MED12L: variants seen among roughly 807,000 people sequenced by gnomAD.
MED12L encodes the protein mediator of RNA polymerase II transcription subunit 12-like protein.
Under a neutral mutation model 281.3 loss-of-function variants are expected in MED12L, and 60 were observed. The ratio of observed to expected loss-of-function variants is 0.21; its 90% CI spans 0.17 to 0.26. The LOEUF (loss-of-function observed/expected upper bound fraction) is 0.26, where lower values mean the gene tolerates loss of function less well. MED12L is among the 10% of genes least tolerant of loss of function. MED12L has a pLI of 1.00. For missense variants in MED12L, 2,146 were observed against 2,680.9 expected, an observed-to-expected ratio of 0.80 and a Z score of 4.41; for synonymous variants, 974 against 987.2, an observed-to-expected ratio of 0.99 and a Z score of 0.25.
At chr3:151,407,654 A>G (rs910331713) in intron 39 of MED12L, among the ~76,000 whole-genome samples, 2 of 152,212 alleles carry the variant, frequency 1.3e-5, no homozygotes, top group African/African-American at 4.8e-5. Context: ...TTTGGGCTAT[A>G]TTTCTCTAAC....
chr3:151,345,641 C>A (rs4679794), intron 16 of MED12L, among the ~76,000 whole-genome samples: 27,707 of 151,396 alleles, frequency 0.18, 3,145 homozygotes, highest in South Asian at 0.33. Flanking sequence ...CCTCAGCCTC[C>A]CGAGTAGCTG....
intron 16 of MED12L, among the ~76,000 whole-genome samples, chr3:151,229,756 C>T (rs570992936): frequency 1.3e-5 from 2 of 152,100 alleles, no homozygotes; most frequent in Non-Finnish European, 1.5e-5. Flanking sequence ...TGAGCCACTG[C>T]GCCAGGCGAA....
At chr3:151,427,804 T>C (rs1719041244) in intron 43 of MED12L, among the ~76,000 whole-genome samples, 1 of 152,196 alleles carries the variant, frequency 6.6e-6, no homozygotes, top group African/African-American at 2.4e-5. Flanking sequence ...ATCTATTGCA[T>C]AGCAAGGTAA....
chr3:151,133,808 A>G (rs1715742895), intron 5 of MED12L, among the ~76,000 whole-genome samples: 1 of 152,252 alleles, frequency 6.6e-6, no homozygotes, highest in Non-Finnish European at 1.5e-5. Context: ...TATTTAAAAC[A>G]GGCTAGCTAA....
intron 16 of MED12L, among the ~76,000 whole-genome samples, chr3:151,204,467 C>G (rs981585349): frequency 2.6e-5 from 4 of 152,012 alleles, no homozygotes; most frequent in African/African-American, 9.7e-5. Context: ...CCAGTGAAGA[C>G]CATAAATTAT....
intron 16 of MED12L, among the ~76,000 whole-genome samples, chr3:151,333,475 T>A (rs1316060547): frequency 6.6e-6 from 1 of 152,234 alleles, no homozygotes; most frequent in Non-Finnish European, 1.5e-5. Flanking sequence ...GTGGTTTTGA[T>A]CTGCATTTCT....
chr3:151,381,501 A>G (rs1712336288), intron 32 of MED12L, among the ~76,000 whole-genome samples: 1 of 152,120 alleles, frequency 6.6e-6, no homozygotes, highest in African/African-American at 2.4e-5. Flanking sequence ...CTGTTCTTGA[A>G]CTTGCTGAGC....
At chr3:151,382,593 T>C (rs1208731622) in intron 32 of MED12L, 63 bp from the exon 33 acceptor site, 6 of 1,200,122 alleles carry the variant, frequency 5.0e-6, no homozygotes, top group Non-Finnish European at 7.2e-6. Flanking sequence ...AGTATAAAGC[T>C]CAATTTATCT....
intron 4 of MED12L, among the ~76,000 whole-genome samples, chr3:151,125,181 T>C (rs752486248): frequency 1.5e-4 from 23 of 152,262 alleles, no homozygotes; most frequent in Non-Finnish European, 2.2e-4. Context: ...GTCAATACTT[T>C]AGTCAATATA....
At chr3:151,353,173 T>G (rs1403258910) in intron 17 of MED12L, among the ~76,000 whole-genome samples, 1 of 152,178 alleles carries the variant, frequency 6.6e-6, no homozygotes, top group African/African-American at 2.4e-5. Flanking sequence ...TCTACTTCTT[T>G]AAGTCTGTTG....
intron 16 of MED12L, among the ~76,000 whole-genome samples, chr3:151,201,325 G>T (rs1050774654): frequency 6.6e-6 from 1 of 151,972 alleles, no homozygotes; most frequent in Non-Finnish European, 1.5e-5. Context: ...CCATAACCTA[G>T]TTTCTCTCTA....
chr3:151,112,095 A>G (rs1386449270), intron 2 of MED12L, among the ~76,000 whole-genome samples: 1 of 152,086 alleles, frequency 6.6e-6, no homozygotes, highest in Non-Finnish European at 1.5e-5. Context: ...GCGTCTTACT[A>G]TGTTGGGAGA....
At chr3:151,125,060 T>C (rs1443793337) in intron 4 of MED12L, among the ~76,000 whole-genome samples, 1 of 152,252 alleles carries the variant, frequency 6.6e-6, no homozygotes, top group African/African-American at 2.4e-5. Context: ...TAGATGCGGC[T>C]GTAGCTTGAT....
At chr3:151,407,789 C>A (rs1716499686) in intron 39 of MED12L, among the ~76,000 whole-genome samples, 1 of 152,076 alleles carries the variant, frequency 6.6e-6, no homozygotes, top group Non-Finnish European at 1.5e-5. Context: ...GAGGTACACT[C>A]AAAAATTTAT....
chr3:151,306,494 C>T (rs987024650), intron 16 of MED12L, among the ~76,000 whole-genome samples: 3 of 152,172 alleles, frequency 2.0e-5, no homozygotes, highest in African/African-American at 7.2e-5. Context: ...GGACTTGACC[C>T]CAGTTGTGTT....
At chr3:151,403,376 A>G (rs1715927881) in intron 39 of MED12L, among the ~76,000 whole-genome samples, 1 of 152,104 alleles carries the variant, frequency 6.6e-6, no homozygotes, top group Admixed American at 6.5e-5. Context: ...TCTCTGTGGT[A>G]ATTTATATCA....
intron 5 of MED12L, among the ~76,000 whole-genome samples, chr3:151,138,919 C>T (rs866104576): frequency 4.5e-4 from 69 of 152,102 alleles, no homozygotes; most frequent in African/African-American, 1.5e-3. Context: ...AACCATCCCC[C>T]TCCTTGAGGG....
intron 39 of MED12L, among the ~76,000 whole-genome samples, chr3:151,404,281 T>G (rs184300521): frequency 2.8e-4 from 42 of 152,308 alleles, no homozygotes; most frequent in African/African-American, 9.9e-4. Flanking sequence ...TCAGTTCTTA[T>G]AATATATGGA....
At chr3:151,314,270 T>C (rs1389101937) in intron 16 of MED12L, among the ~76,000 whole-genome samples, 2 of 152,206 alleles carry the variant, frequency 1.3e-5, no homozygotes, top group East Asian at 1.9e-4. Context: ...AAACAAAATA[T>C]GTTAATTAGG....
Sources: gnomAD v4.1 joint callset for allele counts (sites outside exome capture counted in the v4.1 genomes callset) on GRCh38, gnomAD v4.1.1 for gene constraint, MANE v1.5 for transcripts, NCBI Gene and HGNC (gene_info 2026-07-23, HGNC 2026-07-21) for gene names.